The following NCAM2 variants were observed in gnomAD, a reference collection of about 807,000 sequenced individuals.
NCAM2 encodes the protein neural cell adhesion molecule 2, also known as N-CAM-2.
A neutral mutation model predicts 98.1 loss-of-function variants in NCAM2; 30 were observed. That is an observed-to-expected ratio of 0.31 (90% CI 0.23 to 0.41). The LOEUF (loss-of-function observed/expected upper bound fraction) is 0.41. NCAM2 is among the 10% of genes least tolerant of loss of function. The pLI is 1.00. For missense variants in NCAM2, 867 were observed against 1,005.8 expected (o/e 0.86, Z 1.87); for synonymous variants, 368 against 342.4 (o/e 1.07, Z -0.83).
At chr21:21,404,025 C>G (rs1269284455) in intron 9 of NCAM2, among the ~76,000 whole-genome samples, 1 of 152,018 alleles carries the variant, frequency 6.6e-6, no homozygotes, top group African/African-American at 2.4e-5. Flanking sequence ...ATTTTGCCCT[C>G]TTTATGATAA....
At chr21:21,083,344 T>A (rs936838593) in intron 1 of NCAM2, among the ~76,000 whole-genome samples, 1 of 152,078 alleles carries the variant, frequency 6.6e-6, no homozygotes, top group African/African-American at 2.4e-5. Flanking sequence ...AAACTGAAGT[T>A]CAAATTGTTG....
At chr21:21,058,382 G>T (rs1478153543) in intron 1 of NCAM2, among the ~76,000 whole-genome samples, 2 of 151,994 alleles carry the variant, frequency 1.3e-5, no homozygotes, top group Admixed American at 1.3e-4. Flanking sequence ...ATCTGTTGGG[G>T]TCACTTTGAA....
intron 15 of NCAM2, among the ~76,000 whole-genome samples, chr21:21,496,509 A>G (rs1283371945): frequency 1.3e-5 from 2 of 152,022 alleles, no homozygotes; most frequent in African/African-American, 2.4e-5. Flanking sequence ...ATTCTGGATA[A>G]TAGACCTTTG....
chr21:21,307,030 T>C (rs569001632), intron 5 of NCAM2, among the ~76,000 whole-genome samples: 3 of 149,414 alleles, frequency 2.0e-5, no homozygotes, highest in East Asian at 2.0e-4. Context: ...CATTTACCTA[T>C]ACTTAAAGTG....
chr21:21,374,025 T>C lies in NCAM2; in HGVS notation c.1195+12T>C, dbSNP rs573515448. 1 of 1,592,222 alleles carries C rather than the reference T, an allele frequency of 6.3e-7. No homozygotes were observed. Among genetic ancestry groups the C allele is most frequent in the East Asian group, 2.2e-5 (1 of 44,468 alleles). On this transcript the variant is annotated intron_variant, in intron 9 of 17. Coordinates refer to ENST00000400546, the MANE Select transcript of NCAM2 (RefSeq NM_004540.5). ...CCTTGATATTGAATGTAAGTTACTT[T>C]CCTTTGTATTTTCATTAAAATAACT...
At chr21:21,532,939 TA>T (rs958810008) in intron 16 of NCAM2, among the ~76,000 whole-genome samples, 1 of 152,054 alleles carries the variant, frequency 6.6e-6, no homozygotes, top group Non-Finnish European at 1.5e-5. Context: ...TTTTCAGAGC[TA>T]AAAAAGTTTA....
chr21:21,490,417 A>C (rs776773130), intron 15 of NCAM2, among the ~76,000 whole-genome samples: 26 of 151,956 alleles, frequency 1.7e-4, no homozygotes, highest in Admixed American at 1.3e-4. Context: ...GGTTGTATTA[A>C]ATTTAGATAT....
At chr21:21,157,252 C>T (rs190811688) in intron 1 of NCAM2, among the ~76,000 whole-genome samples, 62 of 152,144 alleles carry the variant, frequency 4.1e-4, no homozygotes, top group African/African-American at 1.4e-3. Flanking sequence ...TACTTGAACC[C>T]GAGCTAAAAT....
chr21:21,125,477 T>TATAATATTTTAC (rs2066780424), intron 1 of NCAM2, among the ~76,000 whole-genome samples: 1 of 25,696 alleles, frequency 3.9e-5, no homozygotes, highest in Non-Finnish European at 9.3e-5. Context: ...TATATATATC[T>TATAATATTTTAC]ATATATAGAT....
At chr21:21,127,026 A>G (rs538036568) in intron 1 of NCAM2, among the ~76,000 whole-genome samples, 78 of 152,054 alleles carry the variant, frequency 5.1e-4, no homozygotes, top group African/African-American at 1.7e-3. Context: ...ATGCATATAC[A>G]TTTTACCATG....
At chr21:21,023,063 C>T (rs569020711) in intron 1 of NCAM2, among the ~76,000 whole-genome samples, 2 of 152,028 alleles carry the variant, frequency 1.3e-5, no homozygotes, top group East Asian at 3.9e-4. Flanking sequence ...AAGCTTTATA[C>T]CTAAATAAGA....
intron 1 of NCAM2, among the ~76,000 whole-genome samples, chr21:21,205,402 T>G (rs1267378643): frequency 6.6e-6 from 1 of 152,130 alleles, no homozygotes. Flanking sequence ...GAGTGTAGCC[T>G]TTATTTTGGG....
At chr21:21,204,385 G>T (rs781021017) in intron 1 of NCAM2, among the ~76,000 whole-genome samples, 2 of 151,888 alleles carry the variant, frequency 1.3e-5, no homozygotes, top group Non-Finnish European at 1.5e-5. Context: ...TCTTATACAG[G>T]GTACTTGATA....
intron 15 of NCAM2, among the ~76,000 whole-genome samples, chr21:21,501,134 C>A (rs1053139040): frequency 2.0e-5 from 3 of 151,924 alleles, no homozygotes; most frequent in African/African-American, 7.2e-5. Context: ...ATGGAAAATG[C>A]CACAAAACAA....
intron 1 of NCAM2, among the ~76,000 whole-genome samples, chr21:21,068,128 T>TTA (rs1319836222): frequency 1.5e-5 from 2 of 130,714 alleles, no homozygotes; most frequent in African/African-American, 5.6e-5. Context: ...AATAATGACT[T>TTA]TTTTTTCTTT....
intron 11 of NCAM2, among the ~76,000 whole-genome samples, chr21:21,419,348 T>G (rs1399067516): frequency 3.5e-5 from 5 of 141,190 alleles, no homozygotes; most frequent in Non-Finnish European, 7.7e-5. Flanking sequence ...ACGGTCATGG[T>G]TTTTTTTTTC....
intron 5 of NCAM2, among the ~76,000 whole-genome samples, chr21:21,299,721 C>T (rs1226936657): frequency 6.6e-6 from 1 of 151,698 alleles, no homozygotes; most frequent in Non-Finnish European, 1.5e-5. Context: ...GATTTCTTCC[C>T]ATGAGATCTC....
chr21:21,370,084 C>A (rs550656470), intron 8 of NCAM2, among the ~76,000 whole-genome samples: 1 of 151,700 alleles, frequency 6.6e-6, no homozygotes, highest in African/African-American at 2.4e-5. Context: ...TGCAATTGCC[C>A]CCTAAAATTA....
At chr21:21,248,251 TAC>T (rs957598819) in intron 1 of NCAM2, among the ~76,000 whole-genome samples, 1 of 152,116 alleles carries the variant, frequency 6.6e-6, no homozygotes, top group African/African-American at 2.4e-5. Context: ...AAAAAAAACA[TAC>T]AGTTATATAA....
Sources: gnomAD v4.1 joint callset for allele counts (sites outside exome capture counted in the v4.1 genomes callset) on GRCh38, gnomAD v4.1.1 for gene constraint, MANE v1.5 for transcripts, NCBI Gene and HGNC (gene_info 2026-07-23, HGNC 2026-07-21) for gene names.